MANBA: variants seen among roughly 807,000 people sequenced by gnomAD.
MANBA encodes the protein mannosidase beta.
A neutral mutation model predicts 111.1 loss-of-function variants in MANBA; 83 were observed. The ratio of observed to expected loss-of-function variants is 0.75; its 90% CI spans 0.63 to 0.90. The LOEUF is 0.90. Among genes scored for constraint, MANBA ranks in the 40% least tolerant of loss-of-function variants. The pLI is 0.00. For missense variants in MANBA, 1,036 were observed against 1,069.0 expected, an observed-to-expected ratio of 0.97 and a Z score of 0.43; for synonymous variants, 370 against 378.7, an observed-to-expected ratio of 0.98 and a Z score of 0.27.
At chr4:102,671,830 A>G in intron 8 of MANBA, 1 of 422,364 alleles carries the variant, frequency 2.4e-6, no homozygotes, top group East Asian at 3.5e-5. Flanking sequence ...TTCTCTAGTA[A>G]ATTTCCTTTC....
intron 5 of MANBA, among the ~76,000 whole-genome samples, chr4:102,698,612 G>T (rs1732854055): frequency 6.6e-6 from 1 of 150,966 alleles, no homozygotes; most frequent in Non-Finnish European, 1.5e-5. Context: ...ATTGAATAGG[G>T]AATCCTTTCC....
At chr4:102,740,481 T>C (rs1386149599) in intron 1 of MANBA, among the ~76,000 whole-genome samples, 2 of 152,182 alleles carry the variant, frequency 1.3e-5, no homozygotes, top group African/African-American at 4.8e-5. Flanking sequence ...GGAGCCTGCA[T>C]AGCCAAAGCA....
intron 5 of MANBA, among the ~76,000 whole-genome samples, chr4:102,710,683 A>C (rs1578926703): frequency 6.6e-6 from 1 of 152,258 alleles, no homozygotes; most frequent in East Asian, 1.9e-4. Flanking sequence ...ATATGGAACC[A>C]AAAAAGAGCT....
rs565418538 is a variant in MANBA, at chr4:102,728,838, G to A, written c.178-2155C>T. On this transcript the variant is annotated intron_variant, in intron 1 of 16. Transcript: ENST00000647097. ...ACCACTGCCCTGGTGGTGCTGGTGC[G>A]GCTGAAGGAGCTGGAGCCCACACCA... 3.3e-4 allele frequency: 294 copies of A among 904,338 alleles called. 1 individual carries two copies. In the Middle Eastern group the frequency reaches 3.4e-3, roughly 10 times the overall value. 56.0% of individuals were successfully genotyped at this position (904,338 alleles called of 1,614,324 possible).
intron 3 of MANBA, 141 bp from the exon 4 acceptor site, chr4:102,723,182 C>A (rs929505739): frequency 1.6e-4 from 121 of 751,786 alleles, no homozygotes; most frequent in Non-Finnish European, 2.4e-4. Flanking sequence ...GGGAACACTT[C>A]TCTGAAACAC....
rs1368495556 is a variant in MANBA at position 102,669,073 on chromosome 4, T to C, written c.1231-24A>G. Reference sequence around the variant, plus strand: ...ACCTAGCAAATCAAATAAAAGGGAATGCAACACTTCCATAAGTTTTATTAC... The same window carrying C: ...ACCTAGCAAATCAAATAAAAGGGAACGCAACACTTCCATAAGTTTTATTAC... On this transcript the variant is annotated intron_variant, in intron 9 of 16. Transcript: ENST00000647097. The C allele has an allele frequency of 4.6e-6, 7 of 1,518,038 alleles. No individual in the cohort carries two copies. The East Asian group carries it at 6.8e-5, about 15-fold the overall frequency. 94.0% of individuals were successfully genotyped at this position (1,518,038 alleles called of 1,614,324 possible). A position where few individuals can be genotyped will look rare whatever the true frequency, so the allele number is the denominator to read the frequency against.
In MANBA at chr4:102,736,311, T is replaced by C. The variant is rs138669579; in HGVS notation, c.178-9628A>G. ...CGTGTGTGCCTCGGCTAGTGATTTA[T>C]AATTGATACTTACCATATTTACTAT... is the stretch of plus-strand genomic sequence containing the variant. On this transcript the variant is annotated intron_variant, in intron 1 of 16. Coordinates refer to ENST00000647097, the MANE Select transcript of MANBA (RefSeq NM_005908.4). Among the ~76,000 whole-genome samples the C allele has an allele frequency of 2.2e-4, 33 of 152,338 alleles. No homozygotes were observed. In the East Asian group the frequency reaches 6.0e-3, roughly 28 times the overall value.
At chr4:102,727,350 T>A in intron 1 of MANBA, 1 of 721,884 alleles carries the variant, frequency 1.4e-6, no homozygotes, top group Non-Finnish European at 2.5e-6. Context: ...TTGGTCTGTA[T>A]CCCATTCTGC....
intron 1 of MANBA, among the ~76,000 whole-genome samples, chr4:102,741,196 G>C (rs1344973310): frequency 6.6e-6 from 1 of 152,010 alleles, no homozygotes; most frequent in Non-Finnish European, 1.5e-5. Flanking sequence ...ATTTAAAAAT[G>C]TTTAACATCA....
At chr4:102,636,043 T>G in intron 14 of MANBA, 36 bp from the exon 15 acceptor site, 2 of 1,595,774 alleles carry the variant, frequency 1.3e-6, no homozygotes, top group South Asian at 1.1e-5. Context: ...GACGGCAAGG[T>G]CAAGTAGTCA....
At chr4:102,642,384 A>G (rs191544880) in intron 13 of MANBA, among the ~76,000 whole-genome samples, 58 of 152,248 alleles carry the variant, frequency 3.8e-4, no homozygotes, top group Middle Eastern at 3.4e-3. Flanking sequence ...GGGGTGGGTG[A>G]ATCACGAGGT....
chr4:102,684,052 T>C (rs1054501959), intron 7 of MANBA, among the ~76,000 whole-genome samples: 1 of 151,954 alleles, frequency 6.6e-6, no homozygotes, highest in African/African-American at 2.4e-5. Flanking sequence ...AATCTGTAAC[T>C]TCCCCAGGAC....
At chr4:102,692,455 T>C (rs1461482481) in intron 5 of MANBA, among the ~76,000 whole-genome samples, 1 of 152,204 alleles carries the variant, frequency 6.6e-6, no homozygotes, top group Non-Finnish European at 1.5e-5. Flanking sequence ...TTATATTGTT[T>C]GTATAATGTC....
intron 5 of MANBA, among the ~76,000 whole-genome samples, chr4:102,704,560 A>G (rs892632621): frequency 1.3e-5 from 2 of 152,058 alleles, no homozygotes; most frequent in Admixed American, 1.3e-4. Context: ...ACCTTTTTTT[A>G]TTATGAACTA....
intron 5 of MANBA, among the ~76,000 whole-genome samples, chr4:102,696,825 C>G (rs534645456): frequency 2.2e-4 from 33 of 152,200 alleles, no homozygotes; most frequent in African/African-American, 7.9e-4. Context: ...TTTAAAGAAA[C>G]AGCAATGACA....
intron 4 of MANBA, among the ~76,000 whole-genome samples, chr4:102,718,803 C>T (rs971382714): frequency 2.6e-5 from 4 of 152,172 alleles, no homozygotes; most frequent in Non-Finnish European, 4.4e-5. Context: ...AGCTGGGCCT[C>T]TGGGGATGAC....
At chr4:102,733,528 T>C (rs1723104385) in intron 1 of MANBA, among the ~76,000 whole-genome samples, 1 of 152,118 alleles carries the variant, frequency 6.6e-6, no homozygotes, top group African/African-American at 2.4e-5. Flanking sequence ...TAATTTTTTA[T>C]TTTTATTTTT....
chr4:102,701,719 T>G (rs1297932568), intron 5 of MANBA, among the ~76,000 whole-genome samples: 1 of 152,080 alleles, frequency 6.6e-6, no homozygotes, highest in Admixed American at 6.6e-5. Flanking sequence ...GAGTTTCTGC[T>G]GAGAGATCCG....
chr4:102,696,719 C>A (rs1177710308), intron 5 of MANBA, among the ~76,000 whole-genome samples: 1 of 152,174 alleles, frequency 6.6e-6, no homozygotes, highest in Admixed American at 6.5e-5. Flanking sequence ...TAGCTTTGCC[C>A]TGCTGAGCTC....
Sources: allele counts gnomAD v4.1 joint callset (sites outside exome capture counted in the v4.1 genomes callset), GRCh38; gene constraint gnomAD v4.1.1; transcripts MANE v1.5; gene names NCBI Gene and HGNC (gene_info 2026-07-23, HGNC 2026-07-21).